The following RCCD1 variants were observed in gnomAD, a reference collection of about 807,000 sequenced individuals.
The protein encoded by RCCD1 is RCC1 domain-containing protein 1.
Under a neutral mutation model 37.6 loss-of-function variants are expected in RCCD1, and 40 were observed. That is an observed-to-expected ratio of 1.06 (90% CI 0.83 to 1.39). RCCD1 has a LOEUF of 1.39. RCCD1 is among the 40% of genes most tolerant of loss of function. The pLI, the probability that RCCD1 is intolerant of heterozygous loss-of-function variation, is 0.00. For missense variants in RCCD1, 577 were observed against 517.3 expected, an observed-to-expected ratio of 1.12 and a Z score of -1.12; for synonymous variants, 263 against 230.0, an observed-to-expected ratio of 1.14 and a Z score of -1.30.
chr15:90,955,932 T>G (rs1368198057), intron 1 of RCCD1: 2 of 152,160 alleles, frequency 1.3e-5, no homozygotes, highest in African/African-American at 4.8e-5. Flanking sequence ...CAGTAAGATG[T>G]CCAGGGATAA....
At position 90,961,905 on chromosome 15, in the gene RCCD1, A is replaced by G; in HGVS notation, c.*136A>G. The stretch of plus-strand genomic sequence containing the variant: ...GCCCTTCACCCTCAAGCACGGTCCT[A>G]AACTTGTCTGCACTTTAGAAACACC... On this transcript the variant is annotated 3_prime_UTR_variant, in exon 8 of 8. Coordinates refer to ENST00000394258, the MANE Select transcript of RCCD1 (RefSeq NM_001017919.2). 1 of 783,646 alleles carries G rather than the reference A, an allele frequency of 1.3e-6. No individual in the cohort carries two copies. The highest frequency in any genetic ancestry group is 2.0e-6 in the Non-Finnish European group (1 of 504,788). The allele number at this position is 783,646 out of a possible 1,614,324, so 48.5% of individuals were successfully genotyped here.
rs1479725698 is a variant in RCCD1, at chr15:90,961,514, G to A, written c.980-104G>A. 2.3e-6 allele frequency: 3 copies of A among 1,309,008 alleles called. No individual in the cohort carries two copies. In the African/African-American group the frequency reaches 4.4e-5, roughly 19 times the overall value. 81.1% of individuals were successfully genotyped at this position (1,309,008 alleles called of 1,614,324 possible). On this transcript the variant is annotated intron_variant, in intron 7 of 7. Coordinates refer to ENST00000394258, the MANE Select transcript of RCCD1 (RefSeq NM_001017919.2). ...GTCTCTTGGATTCACAGAGCAGTGG[G>A]GCATAATCCCAGCACTTCATTTGAT...
chr15:90,955,242 G>C, intron 1 of RCCD1: 1 of 152,248 alleles, frequency 6.6e-6, no homozygotes, highest in East Asian at 1.9e-4. Context: ...GGCTGCGGCC[G>C]CCGCGCCCCG....
chr15:90,955,423 G>A (rs1468753507), intron 1 of RCCD1: 2 of 152,280 alleles, frequency 1.3e-5, no homozygotes, highest in East Asian at 3.9e-4. Context: ...ACCTGCCCGA[G>A]AGGGTAGAGG....
intron 7 of RCCD1, 168 bp downstream of exon 7, chr15:90,961,222 C>G: frequency 1.5e-6 from 1 of 654,140 alleles, no homozygotes; most frequent in Non-Finnish European, 2.7e-6. Context: ...CATAGGCGCG[C>G]TCAGTCCGAG....
At chr15:90,958,627 C>CAAAAAAAAA (rs5814447) in intron 4 of RCCD1, among the ~76,000 whole-genome samples, 1 of 75,012 alleles carries the variant, frequency 1.3e-5, no homozygotes. Flanking sequence ...GACTCAGTCT[C>CAAAAAAAAA]AAAAAAAAAA....
Position 90,957,439 on chromosome 15 carries a change from C to T in RCCD1, c.493C>T (p.Leu165=), listed in dbSNP as rs1304976570. ...GGAGCTGCGGGCACGCCAGCTGGAG[C>T]TGGGCGCCGAGCACGCGTTGCTGCT... The part of the protein sequence containing the change: ...APELRARQLE[L]GAEHALLLDA... The change falls in exon 3 of 8, where the codon CTG becomes TTG. Residue 165 remains leucine, a synonymous_variant. Transcript: ENST00000394258. The T allele has an allele frequency of 1.9e-6, 3 of 1,538,722 alleles. No individual in the cohort carries two copies. Among genetic ancestry groups the T allele is most frequent in the East Asian group, 4.9e-5 (2 of 40,890 alleles).
intron 1 of RCCD1, among the ~76,000 whole-genome samples, chr15:90,956,157 C>T (rs942492277): frequency 2.0e-4 from 31 of 152,218 alleles, no homozygotes; most frequent in African/African-American, 7.5e-4. Flanking sequence ...TGCAGAGGCA[C>T]TGCCTCCCAA....
Position 90,959,996 on chromosome 15 carries a change from A to C in RCCD1, c.776A>C (p.Glu259Ala). The change falls in exon 5 of 8, where the codon GAA becomes GCA. Residue 259 changes from glutamate (E) to alanine (A), a missense_variant and splice_region_variant. Physicochemically the swap from Glu to Ala is moderately radical, Grantham distance 107. Coordinates refer to ENST00000394258, the MANE Select transcript of RCCD1 (RefSeq NM_001017919.2). ...LAEDGETVAR[E>A]ATELNEDGSQ... is the part of the protein sequence containing the mutation. Reference sequence around the variant, plus strand: ...GAGGATGGAGAGACTGTCGCAAGGGAAGGTGAGGGTCATCTCGGCTCCCAC... The same window carrying C: ...GAGGATGGAGAGACTGTCGCAAGGGCAGGTGAGGGTCATCTCGGCTCCCAC... 6.2e-7 allele frequency: 1 copy of C among 1,611,234 alleles called. No individual in the cohort carries two copies.
intron 6 of RCCD1, 118 bp downstream of exon 6, chr15:90,960,616 G>T: frequency 1.4e-5 from 13 of 941,060 alleles, no homozygotes; most frequent in Non-Finnish European, 1.9e-5. Flanking sequence ...CAGCTACCTT[G>T]CTCAGTGGAT....
In RCCD1 at chr15:90,958,501, G is replaced by A. The variant is rs545526176; in HGVS notation, c.679+776G>A. On this transcript the variant is annotated intron_variant, in intron 4 of 7. Transcript: ENST00000394258. ...AAATTAGCTGGGTGCAGTGGTGTGC[G>A]CCTGTAGTCCTGGCTACTCGGGAGG... is the stretch of plus-strand genomic sequence containing the variant. Among the ~76,000 whole-genome samples, 14 of 151,966 alleles carry A rather than the reference G, an allele frequency of 9.2e-5. No individual in the cohort carries two copies. In the East Asian group the frequency reaches 1.7e-3, roughly 19 times the overall value.
At position 90,961,058 on chromosome 15, in the gene RCCD1, A is replaced by C. The variant is rs746297621; in HGVS notation, c.979+4A>C. On this transcript the variant is annotated splice_donor_region_variant and intron_variant, in intron 7 of 7. Coordinates refer to ENST00000394258, the MANE Select transcript of RCCD1 (RefSeq NM_001017919.2). ...GAGCTCTACACCTGGGGCTGGGGTA[A>C]GTAAAAGGATTGTTTTTGTGACCCT... 6.2e-7 allele frequency: 1 copy of C among 1,613,672 alleles called. No homozygotes were observed. Among genetic ancestry groups the C allele is most frequent in the Admixed American group, 1.7e-5 (1 of 59,994 alleles).
chr15:90,961,367 C>G (rs184052172), intron 7 of RCCD1: 2 of 580,012 alleles, frequency 3.4e-6, no homozygotes, highest in South Asian at 2.1e-5. Context: ...GAAAAAGATT[C>G]GATGGAAGTG....
At position 90,962,545 on chromosome 15, in the gene RCCD1, A is replaced by G. The variant is rs2037336267; in HGVS notation, c.*776A>G. 6.6e-6 allele frequency: 1 copy of G among 152,176 alleles called. No homozygotes were observed. Among genetic ancestry groups the G allele is most frequent in the Admixed American group, 6.6e-5 (1 of 15,260 alleles). The allele number at this position is 152,176 out of a possible 1,614,324, so 9.4% of individuals were successfully genotyped here. ...TGGCTAAAATGTCAGGTAGATGCACACTGGTTTTAATTGGCATTTCCCTGG... is the reference window on the plus strand; with the variant it reads ...TGGCTAAAATGTCAGGTAGATGCACGCTGGTTTTAATTGGCATTTCCCTGG... On this transcript the variant is annotated 3_prime_UTR_variant, in exon 8 of 8. Coordinates refer to ENST00000394258, the MANE Select transcript of RCCD1 (RefSeq NM_001017919.2).
At chr15:90,960,525 T>C (rs2037293879) in intron 6 of RCCD1, 27 bp downstream of exon 6, 2 of 1,588,048 alleles carry the variant, frequency 1.3e-6, no homozygotes, top group Non-Finnish European at 1.7e-6. Context: ...GGCACTCTGC[T>C]CCACTCGAGC....
At chr15:90,956,589 A>AT (rs963702579) in intron 1 of RCCD1, 23 bp from the exon 2 acceptor site, 4 of 766,044 alleles carry the variant, frequency 5.2e-6, no homozygotes, top group Middle Eastern at 8.6e-4. Flanking sequence ...GGTCGGGAGA[A>AT]TGATAGTTTC....
chr15:90,962,025 C>G lies in RCCD1; in HGVS notation c.*256C>G, dbSNP rs941248435. 2.7e-4 allele frequency: 72 copies of G among 269,740 alleles called. No individual in the cohort carries two copies. The highest frequency in any genetic ancestry group is 1.3e-4 in the Non-Finnish European group (19 of 142,158). The allele number at this position is 269,740 out of a possible 1,614,324, so 16.7% of individuals were successfully genotyped here. A position where few individuals can be genotyped will look rare whatever the true frequency, so the allele number is the denominator to read the frequency against. ...AAACCAGAGCTTCTAGGTGTGTGGC[C>G]TGGATAGTGGTAGATTCAAAGCTCC... On this transcript the variant is annotated 3_prime_UTR_variant, in exon 8 of 8. Coordinates refer to ENST00000394258, the MANE Select transcript of RCCD1 (RefSeq NM_001017919.2).
chr15:90,960,007 C>A lies in RCCD1; in HGVS notation c.778+9C>A. On this transcript the variant is annotated intron_variant, in intron 5 of 7. Coordinates refer to ENST00000394258, the MANE Select transcript of RCCD1 (RefSeq NM_001017919.2). ...GACTGTCGCAAGGGAAGGTGAGGGTCATCTCGGCTCCCACAGCCGTCTCCC... is the reference window on the plus strand; with the variant it reads ...GACTGTCGCAAGGGAAGGTGAGGGTAATCTCGGCTCCCACAGCCGTCTCCC... 2 of 1,603,540 alleles carry A rather than the reference C, an allele frequency of 1.2e-6. No individual in the cohort carries two copies. The highest frequency in any genetic ancestry group is 1.7e-6 in the Non-Finnish European group (2 of 1,172,894).
At position 90,957,647 on chromosome 15, in the gene RCCD1, C is replaced by T; in HGVS notation, c.601C>T (p.Pro201Ser). 6.2e-7 allele frequency: 1 copy of T among 1,614,164 alleles called. No homozygotes were observed. Among genetic ancestry groups the T allele is most frequent in the Non-Finnish European group, 8.5e-7 (1 of 1,180,008 alleles). Residue 201 changes from proline (P) to serine (S), a missense_variant, in exon 4 of 8, where the codon CCA becomes TCA. Transcript: ENST00000394258. ...GHGTLEAELE[P>S]RLLEALQGLV... ...TGGGACCCTGGAGGCAGAGCTGGAG[C>T]CACGGCTGTTGGAGGCGTTGCAGGG... is the stretch of plus-strand genomic sequence containing the variant.
Sources: allele counts gnomAD v4.1 joint callset (sites outside exome capture counted in the v4.1 genomes callset), GRCh38; gene constraint gnomAD v4.1.1; transcripts MANE v1.5; gene names NCBI Gene and HGNC (gene_info 2026-07-23, HGNC 2026-07-21).